FBXL20: variants seen among roughly 807,000 people sequenced by gnomAD.
FBXL20 encodes the protein F-box and leucine rich repeat protein 20.
A neutral mutation model predicts 64.0 loss-of-function variants in FBXL20; 11 were observed. The ratio of observed to expected loss-of-function variants is 0.17; its 90% CI spans 0.11 to 0.28. The LOEUF is 0.28. Among genes scored for constraint, FBXL20 ranks in the 10% least tolerant of loss-of-function variants. The pLI is 1.00. For synonymous variants in FBXL20, 184 were observed against 189.0 expected, an observed-to-expected ratio of 0.97 and a Z score of 0.22; for missense variants, 303 against 526.2, an observed-to-expected ratio of 0.58 and a Z score of 4.15.
intron 2 of FBXL20, among the ~76,000 whole-genome samples, chr17:39,321,390 C>CGGG (rs1449813508): frequency 2.8e-4 from 41 of 148,744 alleles, no homozygotes; most frequent in African/African-American, 9.5e-4. Context: ...GAGTTGAACC[C>CGGG]AGGAGTTGGA....
In FBXL20 at chr17:39,366,171, G is replaced by A. The variant is rs1054448899; in HGVS notation, c.43-22930C>T. Among the ~76,000 whole-genome samples, 7 of 152,130 alleles carry A rather than the reference G, an allele frequency of 4.6e-5. No homozygotes were observed. The South Asian group carries it at 6.2e-4, about 14-fold the overall frequency. Reference sequence around the variant, plus strand: ...TCAGTGTAATTTTCTCACAATCTTTGTTTAAATTAAGCGTCCGTGTGAATA... The same window carrying A: ...TCAGTGTAATTTTCTCACAATCTTTATTTAAATTAAGCGTCCGTGTGAATA... On this transcript the variant is annotated intron_variant, in intron 1 of 14. Coordinates refer to ENST00000264658, the MANE Select transcript of FBXL20 (RefSeq NM_032875.3).
At position 39,282,772 on chromosome 17, in the gene FBXL20, C is replaced by G; in HGVS notation, c.578G>C (p.Gly193Ala). 1.9e-6 allele frequency: 3 copies of G among 1,614,156 alleles called. No homozygotes were observed. Among genetic ancestry groups the G allele is most frequent in the Admixed American group, 1.7e-5 (1 of 60,018 alleles). The change falls in exon 8 of 15, where the codon GGC (glycine) becomes GCC (alanine). Residue 193 changes from glycine (G) to alanine (A), a missense_variant. Coordinates refer to ENST00000264658, the MANE Select transcript of FBXL20 (RefSeq NM_032875.3). ...TKDGIQALVR[G>A]CGGLKALFLK... ...GAATAAGGCCTTGAGACCCCCACAG[C>G]CCCTCACTAGTGCTTGAATGCCATC...
intron 2 of FBXL20, among the ~76,000 whole-genome samples, chr17:39,334,122 C>T (rs1436626153): frequency 6.6e-6 from 1 of 152,180 alleles, no homozygotes; most frequent in African/African-American, 2.4e-5. Context: ...TTGTTCTGTA[C>T]TAAGAAAAAT....
At chr17:39,322,702 AAT>A (rs890152116) in intron 2 of FBXL20, among the ~76,000 whole-genome samples, 2 of 152,166 alleles carry the variant, frequency 1.3e-5, no homozygotes, top group Admixed American at 1.3e-4. Context: ...ACATATCTAT[AAT>A]GAGTAAAATA....
At chr17:39,321,761 C>T in intron 2 of FBXL20, among the ~76,000 whole-genome samples, 1 of 121,668 alleles carries the variant, frequency 8.2e-6, no homozygotes, top group Admixed American at 9.3e-5. Context: ...GCCTGGGCAA[C>T]AAGAGTGAAA....
At chr17:39,393,118 A>C (rs938032358) in intron 1 of FBXL20, among the ~76,000 whole-genome samples, 5 of 151,866 alleles carry the variant, frequency 3.3e-5, no homozygotes, top group African/African-American at 1.2e-4. Flanking sequence ...GCAAAACCCT[A>C]TCTCTACTAA....
intron 6 of FBXL20, among the ~76,000 whole-genome samples, chr17:39,291,065 C>T (rs937299642): frequency 1.3e-5 from 2 of 151,650 alleles, no homozygotes; most frequent in Non-Finnish European, 2.9e-5. Context: ...GGGTTCATGC[C>T]ATTCTCCTGC....
chr17:39,268,297 G>A (rs1567856560), intron 12 of FBXL20, among the ~76,000 whole-genome samples: 1 of 152,120 alleles, frequency 6.6e-6, no homozygotes, highest in Non-Finnish European at 1.5e-5. Flanking sequence ...AGGTTGCAGT[G>A]AGCTGAGATC....
chr17:39,339,645 T>C (rs1049186938), intron 2 of FBXL20, among the ~76,000 whole-genome samples: 1 of 143,200 alleles, frequency 7.0e-6, no homozygotes, highest in Non-Finnish European at 1.5e-5. Flanking sequence ...GTTTGTAGAT[T>C]AGTTCACAGA....
Position 39,259,634 on chromosome 17 carries a change from G to C in FBXL20, c.*1826C>G, listed in dbSNP as rs2046727202. 1 of 152,020 alleles carries C rather than the reference G, an allele frequency of 6.6e-6. No individual in the cohort carries two copies. Among genetic ancestry groups the C allele is most frequent in the Admixed American group, 6.6e-5 (1 of 15,256 alleles). The allele number at this position is 152,020 out of a possible 1,614,324, so 9.4% of individuals were successfully genotyped here. A position where few individuals can be genotyped will look rare whatever the true frequency, so the allele number is the denominator to read the frequency against. On this transcript the variant is annotated 3_prime_UTR_variant, in exon 15 of 15. Coordinates refer to ENST00000264658, the MANE Select transcript of FBXL20 (RefSeq NM_032875.3). ...ACACTAAACCCCTTACTTCCTCTCA[G>C]TGTTCTCTTTCAGCTGCCTCAATGC...
intron 6 of FBXL20, 109 bp from the exon 7 acceptor site, chr17:39,285,682 A>C (rs2046982999): frequency 3.9e-6 from 2 of 515,360 alleles, no homozygotes; most frequent in Middle Eastern, 3.2e-4. Context: ...AGAACTGTAA[A>C]ATTTTCATAC....
intron 2 of FBXL20, among the ~76,000 whole-genome samples, chr17:39,311,148 C>T (rs1019291356): frequency 1.3e-5 from 2 of 152,120 alleles, no homozygotes; most frequent in African/African-American, 4.8e-5. Context: ...GCCTGGACAA[C>T]AGAGTAAGCC....
At chr17:39,336,862 T>C (rs1466946380) in intron 2 of FBXL20, among the ~76,000 whole-genome samples, 1 of 151,146 alleles carries the variant, frequency 6.6e-6, no homozygotes, top group East Asian at 1.9e-4. Flanking sequence ...TAGAAAGAAT[T>C]GAGCAGACAG....
intron 14 of FBXL20, 64 bp downstream of exon 14, chr17:39,264,111 A>T: frequency 6.8e-7 from 1 of 1,467,064 alleles, no homozygotes; most frequent in African/African-American, 1.4e-5. Context: ...TGAAAAAAGG[A>T]AAAAAAAAGA....
chr17:39,296,666 T>C lies in FBXL20; in HGVS notation c.398+461A>G, dbSNP rs374971867. On this transcript the variant is annotated intron_variant, in intron 6 of 14. Transcript: ENST00000264658. ...TGTAAGCCTCTTGAGGATGAAGAAT[T>C]AAGCTTAATTTCCTTCAGATCATGA... 8.0e-4 allele frequency among the ~76,000 whole-genome samples: 122 copies of C among 151,992 alleles called. 1 individual carries two copies. The highest frequency in any genetic ancestry group is 2.9e-3 in the African/African-American group (119 of 41,472).
At chr17:39,265,323 C>G in intron 13 of FBXL20, 74 bp downstream of exon 13, 2 of 1,174,948 alleles carry the variant, frequency 1.7e-6, no homozygotes, top group Non-Finnish European at 1.2e-6. Context: ...ACACTAAGAG[C>G]TGGGTTCTTG....
At chr17:39,268,783 G>C in intron 12 of FBXL20, 44 bp downstream of exon 12, 1 of 1,517,882 alleles carries the variant, frequency 6.6e-7, no homozygotes, top group Non-Finnish European at 9.1e-7. Flanking sequence ...TATTATCTAA[G>C]TGTCTACTAT....
At chr17:39,315,833 G>GAGAGAC (rs772532455) in intron 2 of FBXL20, among the ~76,000 whole-genome samples, 1 of 42,770 alleles carries the variant, frequency 2.3e-5, no homozygotes, top group East Asian at 5.2e-4. Flanking sequence ...GAGAGACAGA[G>GAGAGAC]AGAGAGAGAG....
intron 6 of FBXL20, among the ~76,000 whole-genome samples, chr17:39,287,968 CTTTT>C (rs34161800): frequency 4.8e-5 from 6 of 123,848 alleles, no homozygotes; most frequent in Admixed American, 8.8e-5. Flanking sequence ...GTAATGAAAA[CTTTT>C]TTTTTTTTTT....
Sources: allele counts gnomAD v4.1 joint callset (sites outside exome capture counted in the v4.1 genomes callset), GRCh38; gene constraint gnomAD v4.1.1; transcripts MANE v1.5; gene names NCBI Gene and HGNC (gene_info 2026-07-23, HGNC 2026-07-21).